TULP4: variants seen among roughly 807,000 people sequenced by gnomAD.
TULP4 encodes TUB like protein 4.
TULP4 carries 16 observed loss-of-function variants against 129.0 expected under a neutral mutation model. The ratio of observed to expected loss-of-function variants is 0.12; its 90% CI spans 0.08 to 0.19. The LOEUF (loss-of-function observed/expected upper bound fraction) is 0.19. TULP4 is among the 10% of genes least tolerant of loss of function. The pLI is 1.00. For missense variants in TULP4, 1,842 were observed against 2,059.1 expected (o/e 0.89, Z 2.04); for synonymous variants, 998 against 854.0 (o/e 1.17, Z -2.94).
chr6:158,311,658 G>C (rs1260484551), upstream of TULP4, among the ~76,000 whole-genome samples: 1 of 152,192 alleles, frequency 6.6e-6, no homozygotes, highest in Non-Finnish European at 1.5e-5. Flanking sequence ...ACTTGCCTGA[G>C]TCATTTCAGT....
intron 2 of TULP4, among the ~76,000 whole-genome samples, chr6:158,422,039 A>C (rs1026410679): frequency 6.6e-6 from 1 of 152,204 alleles, no homozygotes; most frequent in African/African-American, 2.4e-5. Flanking sequence ...AACTGTGATC[A>C]TTGGTCAGAT....
chr6:158,418,433 C>G (rs1427822461), intron 2 of TULP4, among the ~76,000 whole-genome samples: 1 of 140,684 alleles, frequency 7.1e-6, no homozygotes, highest in African/African-American at 2.7e-5. Context: ...CAATTCGATA[C>G]TTGGTTTTCT....
chr6:158,378,539 C>T (rs1052341248), intron 1 of TULP4, among the ~76,000 whole-genome samples: 2 of 130,492 alleles, frequency 1.5e-5, no homozygotes, highest in Non-Finnish European at 3.1e-5. Flanking sequence ...GACTGGAGTG[C>T]AGTGGTGTGA....
At chr6:158,259,514 T>C (rs1778311076) in intron 1 of TULP4, among the ~76,000 whole-genome samples, 1 of 152,240 alleles carries the variant, frequency 6.6e-6, no homozygotes, top group African/African-American at 2.4e-5. Context: ...CCAAGGTGAA[T>C]TGAAAGCATC....
chr6:158,234,383 C>T (rs1777649981), intron 1 of TULP4, among the ~76,000 whole-genome samples: 1 of 152,048 alleles, frequency 6.6e-6, no homozygotes. Context: ...AAATTTCAGC[C>T]CTCTCACTGG....
At chr6:158,414,985 C>G (rs1778175428) in intron 2 of TULP4, among the ~76,000 whole-genome samples, 1 of 152,196 alleles carries the variant, frequency 6.6e-6, no homozygotes, top group African/African-American at 2.4e-5. Context: ...TTGTTTGAGT[C>G]TGTAATGCTC....
intron 3 of TULP4, among the ~76,000 whole-genome samples, chr6:158,447,102 G>T: frequency 6.6e-6 from 1 of 152,118 alleles, no homozygotes. Flanking sequence ...GTGTGGCAAT[G>T]GGTACAGCTT....
chr6:158,257,120 A>G (rs1778260631), intron 1 of TULP4, among the ~76,000 whole-genome samples: 2 of 152,162 alleles, frequency 1.3e-5, no homozygotes, highest in African/African-American at 4.8e-5. Context: ...AGTAGGTTGG[A>G]GAAAATGGAC....
intron 6 of TULP4, among the ~76,000 whole-genome samples, chr6:158,464,180 A>G (rs2115193023): frequency 6.6e-6 from 1 of 152,322 alleles, no homozygotes; most frequent in African/African-American, 2.4e-5. Flanking sequence ...TCCTGAGAAT[A>G]TGTGATGTGC....
At chr6:158,451,890 T>C (rs1398757637) in intron 4 of TULP4, among the ~76,000 whole-genome samples, 5 of 152,230 alleles carry the variant, frequency 3.3e-5, no homozygotes, top group Non-Finnish European at 7.3e-5. Flanking sequence ...CACTCACCAA[T>C]TGCCCCCAGG....
chr6:158,240,222 C>G (rs1308135243), intron 1 of TULP4, among the ~76,000 whole-genome samples: 2 of 66,202 alleles, frequency 3.0e-5, no homozygotes, highest in African/African-American at 1.1e-4. Context: ...GGGGGGCTGA[C>G]CCCCCCACCT....
At chr6:158,264,358 G>A (rs1263078556) in intron 1 of TULP4, among the ~76,000 whole-genome samples, 10 of 152,118 alleles carry the variant, frequency 6.6e-5, no homozygotes, top group African/African-American at 9.7e-5. Flanking sequence ...TGAGAATTTC[G>A]GAATTTATAC....
At chr6:158,321,460 T>G (rs138190366) in intron 1 of TULP4, among the ~76,000 whole-genome samples, 13 of 152,170 alleles carry the variant, frequency 8.5e-5, no homozygotes, top group Non-Finnish European at 1.6e-4. Context: ...TTCTCCAACT[T>G]GATATATGAG....
intron 8 of TULP4, among the ~76,000 whole-genome samples, chr6:158,481,746 C>T (rs1236748385): frequency 6.6e-6 from 1 of 152,188 alleles, no homozygotes; most frequent in African/African-American, 2.4e-5. Flanking sequence ...TGCTTTTTAC[C>T]TGATTGCTAA....
chr6:158,502,789 C>T lies in TULP4; in HGVS notation c.3126C>T (p.Gly1042=), dbSNP rs756997172. The T allele has an allele frequency of 8.7e-6, 14 of 1,609,418 alleles. No individual in the cohort carries two copies. Among genetic ancestry groups the T allele is most frequent in the East Asian group, 2.2e-5 (1 of 44,850 alleles). The part of the protein sequence containing the change: ...PALYTCSQCS[G]TGPSSQPGAS... ...TGTACACCTGCAGTCAGTGCAGTGG[C>T]ACAGGGCCCAGCTCACAGCCCGGAG... Residue 1042 remains glycine, a synonymous_variant, in exon 13 of 14, where the codon GGC becomes GGT. Transcript: ENST00000367097.
chr6:158,404,454 A>G (rs1777928555), intron 1 of TULP4, among the ~76,000 whole-genome samples: 1 of 152,188 alleles, frequency 6.6e-6, no homozygotes, highest in South Asian at 2.1e-4. Context: ...TGTATTGAGG[A>G]TATGTACATG....
At chr6:158,471,843 C>T (rs965129252) in intron 6 of TULP4, among the ~76,000 whole-genome samples, 1 of 152,146 alleles carries the variant, frequency 6.6e-6, no homozygotes, top group Non-Finnish European at 1.5e-5. Flanking sequence ...GGCTTTCTTT[C>T]ATCTTTCTGT....
intron 1 of TULP4, among the ~76,000 whole-genome samples, chr6:158,408,296 G>A (rs954449885): frequency 3.3e-5 from 5 of 152,178 alleles, no homozygotes; most frequent in Admixed American, 2.6e-4. Context: ...GAAGCATGTG[G>A]TGATGTTGCT....
chr6:158,413,189 C>T lies in TULP4; in HGVS notation c.377C>T (p.Ala126Val), dbSNP rs367703455. ...WSVELVNDRGAQVSDFTWSHD... is the reference protein window; with the variant it reads ...WSVELVNDRGVQVSDFTWSHD... ...GTGGAGCTGGTCAACGACCGCGGGG[C>T]GCAGGTGAGTGGCAGGCGCAGCTCT... Residue 126 changes from alanine to valine, a missense_variant, in exon 2 of 14, where the codon GCG becomes GTG. Coordinates refer to ENST00000367097, the MANE Select transcript of TULP4 (RefSeq NM_020245.5). This position sits in a 1 kb window ranked among gnomAD's most constrained non-coding sequence, Gnocchi z 4.9. The T allele has an allele frequency of 1.9e-6, 3 of 1,610,492 alleles. No homozygotes were observed. Among genetic ancestry groups the T allele is most frequent in the Admixed American group, 1.7e-5 (1 of 59,884 alleles).
Sources: allele counts gnomAD v4.1 joint callset (sites outside exome capture counted in the v4.1 genomes callset), GRCh38; gene constraint gnomAD v4.1.1; non-coding constraint Gnocchi (gnomAD v3.1); transcripts MANE v1.5; gene names NCBI Gene and HGNC (gene_info 2026-07-23, HGNC 2026-07-21).